The following SNX25 variants were observed in gnomAD, a reference collection of about 807,000 sequenced individuals.
The protein encoded by SNX25 is sorting nexin 25, also known as sorting nexin-25.
Under a neutral mutation model 113.7 loss-of-function variants are expected in SNX25, and 62 were observed. The ratio of observed to expected loss-of-function variants is 0.55; its 90% CI spans 0.44 to 0.67. The LOEUF (loss-of-function observed/expected upper bound fraction) is 0.67, where lower values mean the gene tolerates loss of function less well. Ranked by LOEUF, SNX25 falls within the 30% of genes least tolerant of loss-of-function variation. The probability of loss-of-function intolerance (pLI) is 0.00; values close to 1 mark genes in which losing one functional copy is unlikely to be tolerated. For synonymous variants in SNX25, 421 were observed against 436.2 expected, an observed-to-expected ratio of 0.97 and a Z score of 0.43; for missense variants, 1,014 against 1,161.0, an observed-to-expected ratio of 0.87 and a Z score of 1.84.
chr4:185,357,892 G>C (rs1205424850), intron 16 of SNX25, among the ~76,000 whole-genome samples, 155 bp downstream of exon 16: 1 of 152,154 alleles, frequency 6.6e-6, no homozygotes, highest in Non-Finnish European at 1.5e-5. Context: ...GGATAGGAGA[G>C]TCGATTTCTA....
intron 6 of SNX25, among the ~76,000 whole-genome samples, chr4:185,309,977 C>T (rs956143275): frequency 6.6e-6 from 1 of 152,218 alleles, no homozygotes; most frequent in African/African-American, 2.4e-5. Flanking sequence ...CTCTAACGGC[C>T]TTCTTTCAGT....
intron 16 of SNX25, 93 bp from the exon 17 acceptor site, chr4:185,361,831 C>A: frequency 8.8e-7 from 1 of 1,138,916 alleles, no homozygotes; most frequent in Non-Finnish European, 1.3e-6. Flanking sequence ...TTAGATCAGG[C>A]TGTATCTTAA....
At chr4:185,218,469 G>T (rs1739252614) in intron 1 of SNX25, among the ~76,000 whole-genome samples, 1 of 152,220 alleles carries the variant, frequency 6.6e-6, no homozygotes, top group Admixed American at 6.5e-5. Flanking sequence ...TCTCAGCCCA[G>T]GTGCTGCTTT....
chr4:185,221,565 T>C (rs1375110721), intron 1 of SNX25, among the ~76,000 whole-genome samples: 2 of 152,146 alleles, frequency 1.3e-5, no homozygotes, highest in South Asian at 2.1e-4. Flanking sequence ...AACCTTTCAA[T>C]TGGTCTCTGC....
chr4:185,359,670 A>T (rs533443077), intron 16 of SNX25, among the ~76,000 whole-genome samples: 21 of 152,246 alleles, frequency 1.4e-4, no homozygotes, highest in Admixed American at 2.6e-4. Flanking sequence ...GGGTGCATGC[A>T]CCTGTAATTA....
chr4:185,209,957 C>T lies in SNX25; in HGVS notation c.131C>T (p.Ala44Val). 1 of 983,562 alleles carries T rather than the reference C, an allele frequency of 1.0e-6. No homozygotes were observed. Among genetic ancestry groups the T allele is most frequent in the South Asian group, 4.6e-5 (1 of 21,630 alleles). 60.9% of individuals were successfully genotyped at this position (983,562 alleles called of 1,614,324 possible). ...GAGTCCCCGGGGGACGCGGAGGCAG[C>T]AGCAGCGGCGGCGCCGGGGGCCCCG... ...RPESPGDAEA[A>V]AAAAPGAPGG... The change falls in exon 1 of 19, where the codon GCA becomes GTA. Residue 44 changes from alanine (A) to valine (V), a missense_variant. Coordinates refer to ENST00000652585, the MANE Select transcript of SNX25 (RefSeq NM_001378034.2). The surrounding 1 kb of genome is among the most constrained non-coding windows in gnomAD (Gnocchi z 5.2).
chr4:185,278,627 T>A (rs1157080864), intron 5 of SNX25, among the ~76,000 whole-genome samples: 1 of 152,140 alleles, frequency 6.6e-6, no homozygotes. Flanking sequence ...GATTAATGGA[T>A]GAGATGAAGC....
At chr4:185,318,193 C>A (rs1181502610) in intron 7 of SNX25, among the ~76,000 whole-genome samples, 1 of 151,982 alleles carries the variant, frequency 6.6e-6, no homozygotes, top group Non-Finnish European at 1.5e-5. Flanking sequence ...TGAAAATTTG[C>A]CAACTCATAA....
intron 1 of SNX25, among the ~76,000 whole-genome samples, chr4:185,239,308 T>C (rs55743625): frequency 0.34 from 51,245 of 151,062 alleles, 8,892 homozygotes; most frequent in East Asian, 0.4. Flanking sequence ...ACGGTGAAAC[T>C]CCGTCTCTAC....
chr4:185,273,520 C>A (rs1417076847), intron 5 of SNX25, among the ~76,000 whole-genome samples: 1 of 152,176 alleles, frequency 6.6e-6, no homozygotes, highest in Non-Finnish European at 1.5e-5. Context: ...TACATAGTTA[C>A]CATTTTTTGT....
chr4:185,289,029 A>C (rs1354731494), intron 6 of SNX25, among the ~76,000 whole-genome samples: 1 of 152,168 alleles, frequency 6.6e-6, no homozygotes, highest in African/African-American at 2.4e-5. Context: ...TGGGCTGGGG[A>C]CTTGGACCTG....
chr4:185,286,695 C>T (rs1560970267), intron 5 of SNX25, among the ~76,000 whole-genome samples: 1 of 152,158 alleles, frequency 6.6e-6, no homozygotes, highest in East Asian at 1.9e-4. Flanking sequence ...GGTCACTTAA[C>T]AAGGAAGGAA....
intron 7 of SNX25, among the ~76,000 whole-genome samples, chr4:185,318,250 TCTA>T (rs1009985838): frequency 9.2e-5 from 14 of 152,192 alleles, no homozygotes; most frequent in African/African-American, 3.4e-4. Context: ...GCATTTGAAT[TCTA>T]CTAATTGCAT....
chr4:185,214,001 G>A (rs987140046), intron 1 of SNX25, among the ~76,000 whole-genome samples: 6 of 150,356 alleles, frequency 4.0e-5, no homozygotes, highest in Middle Eastern at 3.4e-3. Context: ...TGGCCTGACC[G>A]TGATGTAACC....
In SNX25 at chr4:185,210,946, C is replaced by T. The variant is rs1737685105; in HGVS notation, c.429+691C>T. ...AGAACAGTGTTTTAAATGAGCGCTTCTCTTCTTCAGTGCCAAACCCACTGC... is the reference window on the plus strand; with the variant it reads ...AGAACAGTGTTTTAAATGAGCGCTTTTCTTCTTCAGTGCCAAACCCACTGC... On this transcript the variant is annotated intron_variant, in intron 1 of 18. Transcript: ENST00000652585. This position sits in a 1 kb window ranked among gnomAD's most constrained non-coding sequence, Gnocchi z 4.4. Among the ~76,000 whole-genome samples the T allele has an allele frequency of 6.6e-6, 1 of 152,132 alleles. No homozygotes were observed. Among genetic ancestry groups the T allele is most frequent in the African/African-American group, 2.4e-5 (1 of 41,426 alleles).
At chr4:185,311,281 TAGA>T (rs1361346115) in intron 7 of SNX25, among the ~76,000 whole-genome samples, 1 of 152,214 alleles carries the variant, frequency 6.6e-6, no homozygotes, top group Non-Finnish European at 1.5e-5. Flanking sequence ...TAATACCACA[TAGA>T]TAGGAAAAGC....
At chr4:185,272,505 T>G (rs1298014031) in intron 5 of SNX25, among the ~76,000 whole-genome samples, 1 of 152,198 alleles carries the variant, frequency 6.6e-6, no homozygotes, top group African/African-American at 2.4e-5. Flanking sequence ...TGTGTGCTAA[T>G]GAAAATGGTT....
chr4:185,279,893 G>T (rs981847865), intron 5 of SNX25, among the ~76,000 whole-genome samples: 18 of 151,896 alleles, frequency 1.2e-4, no homozygotes, highest in Non-Finnish European at 2.2e-4. Flanking sequence ...TTGTTGTTTT[G>T]TTGTTTTTTT....
chr4:185,236,636 A>G (rs1742691584), intron 1 of SNX25, among the ~76,000 whole-genome samples: 1 of 152,222 alleles, frequency 6.6e-6, no homozygotes. Context: ...ATTATAAAAG[A>G]TATTCATGAT....
Sources: gnomAD v4.1 joint callset for allele counts (sites outside exome capture counted in the v4.1 genomes callset) on GRCh38, gnomAD v4.1.1 for gene constraint, Gnocchi (gnomAD v3.1) non-coding constraint, MANE v1.5 for transcripts, NCBI Gene and HGNC (gene_info 2026-07-23, HGNC 2026-07-21) for gene names.